Variants in RBM6 observed in about 807,000 individuals in gnomAD.
RBM6 encodes the protein RNA binding motif protein 6, also known as RNA-binding protein 6.
A neutral mutation model predicts 140.4 loss-of-function variants in RBM6; 23 were observed. The observed-to-expected ratio is 0.16, with a 90% CI of 0.12 to 0.23. The LOEUF (loss-of-function observed/expected upper bound fraction) is 0.23, where lower values mean the gene tolerates loss of function less well. Among genes scored for constraint, RBM6 ranks in the 10% least tolerant of loss-of-function variants. The probability of loss-of-function intolerance (pLI) is 1.00; values close to 1 mark genes in which losing one functional copy is unlikely to be tolerated. For synonymous variants in RBM6, 439 were observed against 475.6 expected, an observed-to-expected ratio of 0.92 and a Z score of 1.00; for missense variants, 1,139 against 1,386.7, an observed-to-expected ratio of 0.82 and a Z score of 2.84.
chr3:50,005,443 A>G (rs2086528506), intron 6 of RBM6, among the ~76,000 whole-genome samples: 1 of 150,850 alleles, frequency 6.6e-6, no homozygotes, highest in Admixed American at 6.7e-5. Flanking sequence ...AGCTACAGTG[A>G]GCCGTGATTG....
At chr3:50,020,614 G>T (rs1008596129) in intron 6 of RBM6, among the ~76,000 whole-genome samples, 1 of 152,132 alleles carries the variant, frequency 6.6e-6, no homozygotes, top group Non-Finnish European at 1.5e-5. Flanking sequence ...TAATGATGGG[G>T]ATAAATTCTG....
intron 2 of RBM6, among the ~76,000 whole-genome samples, chr3:49,965,805 G>C (rs1224488357): frequency 1.3e-5 from 2 of 152,032 alleles, no homozygotes; most frequent in East Asian, 3.9e-4. Context: ...CTAGTGTTTA[G>C]GTTAATGCTG....
intron 6 of RBM6, among the ~76,000 whole-genome samples, chr3:50,012,175 C>G (rs934159266): frequency 6.6e-6 from 1 of 151,904 alleles, no homozygotes; most frequent in Non-Finnish European, 1.5e-5. Flanking sequence ...TTACCTCAAT[C>G]GGATCCCCGT....
intron 6 of RBM6, among the ~76,000 whole-genome samples, chr3:50,045,224 T>A (rs1000806048): frequency 6.6e-6 from 1 of 152,206 alleles, no homozygotes; most frequent in Non-Finnish European, 1.5e-5. Context: ...AATACCTGAA[T>A]CCATTAATGC....
intron 2 of RBM6, chr3:49,962,927 C>G (rs190399757): frequency 2.3e-5 from 7 of 303,988 alleles, no homozygotes; most frequent in African/African-American, 1.6e-4. Context: ...GAAACCCCGT[C>G]TCTACTAAAA....
chr3:49,970,894 C>T (rs1342449853), intron 3 of RBM6, among the ~76,000 whole-genome samples: 2 of 151,964 alleles, frequency 1.3e-5, no homozygotes, highest in Non-Finnish European at 2.9e-5. Context: ...CTTTGGGAGG[C>T]AAAGGTGGGC....
rs1235640441 is a variant in RBM6 at position 50,066,272 on chromosome 3, T to G, written c.2713T>G (p.Leu905Val). 1.2e-6 allele frequency: 2 copies of G among 1,613,940 alleles called. No homozygotes were observed. Among genetic ancestry groups the G allele is most frequent in the Admixed American group, 3.3e-5 (2 of 59,988 alleles). ...AGTGGTAAACCCACTGATCGGCCTC[T>G]TGGGTGAATATGGAGGAGACAGTGA... Reference protein sequence around the residue: ...PKVVNPLIGLLGEYGGDSDYE... With the variant: ...PKVVNPLIGLVGEYGGDSDYE... The change falls in exon 17 of 21, where the codon TTG becomes GTG. Residue 905 changes from leucine to valine, a missense_variant. Leu to Val is a conservative substitution (Grantham distance 32, BLOSUM62 1). Transcript: ENST00000266022.
rs752449685 is a variant in RBM6 at position 49,967,784 on chromosome 3, T to G, written c.359T>G (p.Ile120Arg). Residue 120 changes from isoleucine to arginine, a missense_variant, in exon 3 of 21, where the codon ATA becomes AGA. Physicochemically the swap from Ile to Arg is moderately conservative, Grantham distance 97. Transcript: ENST00000266022. This position sits in a 1 kb window ranked among gnomAD's most constrained non-coding sequence, Gnocchi z 4.0. ...SSQLDFRGRD[I>R]HSGDFRDREG... is the part of the protein sequence containing the mutation. The stretch of plus-strand genomic sequence containing the variant: ...CAGTTGGACTTCAGGGGTAGGGACA[T>G]ACATTCTGGGGATTTTCGGGATAGA... The G allele has an allele frequency of 6.8e-6, 11 of 1,614,026 alleles. No homozygotes were observed. The highest frequency in any genetic ancestry group is 4.5e-5 in the East Asian group (2 of 44,876).
intron 6 of RBM6, chr3:50,047,037 G>A (rs532370915): frequency 7.4e-4 from 245 of 332,520 alleles, no homozygotes; most frequent in Non-Finnish European, 9.9e-4. Context: ...TTGAGAACAA[G>A]CCAGGGAATA....
chr3:50,016,766 A>G (rs1238242746), intron 6 of RBM6, among the ~76,000 whole-genome samples: 2 of 149,578 alleles, frequency 1.3e-5, no homozygotes, highest in Non-Finnish European at 3.0e-5. Context: ...AACTTCCTGC[A>G]CTCAAGCAGT....
At chr3:50,049,909 C>T (rs562823192) in intron 7 of RBM6, among the ~76,000 whole-genome samples, 3 of 151,034 alleles carry the variant, frequency 2.0e-5, no homozygotes, top group Non-Finnish European at 4.4e-5. Context: ...GCTGGTCTCA[C>T]AGTCCCTGGC....
At chr3:50,073,452 C>G (rs1166214588) in intron 19 of RBM6, among the ~76,000 whole-genome samples, 1 of 152,162 alleles carries the variant, frequency 6.6e-6, no homozygotes, top group Non-Finnish European at 1.5e-5. Context: ...CCCACTCCTG[C>G]AATAACAGCA....
At chr3:50,068,859 A>T in intron 18 of RBM6, 95 bp downstream of exon 18, 2 of 1,130,286 alleles carry the variant, frequency 1.8e-6, no homozygotes, top group East Asian at 2.4e-5. Context: ...TTATAAGAAG[A>T]TGGAGAACAA....
chr3:49,992,607 A>T (rs983608989), intron 5 of RBM6, among the ~76,000 whole-genome samples: 7 of 152,218 alleles, frequency 4.6e-5, no homozygotes, highest in Non-Finnish European at 1.0e-4. Flanking sequence ...ACGTAGCTTG[A>T]CTGCAATCAC....
At chr3:49,997,763 A>G (rs897325557) in intron 5 of RBM6, among the ~76,000 whole-genome samples, 55 of 152,340 alleles carry the variant, frequency 3.6e-4, no homozygotes, top group African/African-American at 1.3e-3. Context: ...AGAGCTGTTT[A>G]TAAAATGCAG....
intron 1 of RBM6, among the ~76,000 whole-genome samples, chr3:49,957,779 A>G (rs1330519528): frequency 6.6e-6 from 1 of 152,038 alleles, no homozygotes; most frequent in Non-Finnish European, 1.5e-5. Flanking sequence ...CAAAATTGCA[A>G]TAATGCTAGT....
chr3:49,945,176 ATTTTT>A (rs34249907), intron 1 of RBM6, among the ~76,000 whole-genome samples: 2 of 122,120 alleles, frequency 1.6e-5, no homozygotes, highest in African/African-American at 3.2e-5. Context: ...CGCCCGGCCA[ATTTTT>A]TTTTTTTTTT....
chr3:49,941,324 C>A (rs1408490723), intron 1 of RBM6, among the ~76,000 whole-genome samples: 1 of 152,040 alleles, frequency 6.6e-6, no homozygotes, highest in African/African-American at 2.4e-5. Flanking sequence ...CAGGACAGGT[C>A]CCAGGTCTCT....
rs767341001 is a variant in RBM6, at chr3:49,967,783, A to G, written c.358A>G (p.Ile120Val). The G allele has an allele frequency of 6.2e-7, 1 of 1,614,132 alleles. No individual in the cohort carries two copies. The highest frequency in any genetic ancestry group is 8.5e-7 in the Non-Finnish European group (1 of 1,180,038). The change falls in exon 3 of 21, where the codon ATA becomes GTA. Residue 120 changes from isoleucine (I) to valine (V), a missense_variant. Around this residue, in one of 9 missense-constraint regions of RBM6, gnomAD observed 566 missense variants for 612.7 expected, o/e 0.92. Coordinates refer to ENST00000266022, the MANE Select transcript of RBM6 (RefSeq NM_005777.3). This position sits in a 1 kb window ranked among gnomAD's most constrained non-coding sequence, Gnocchi z 4.0. ...ACAGTTGGACTTCAGGGGTAGGGACATACATTCTGGGGATTTTCGGGATAG... is the reference window on the plus strand; with the variant it reads ...ACAGTTGGACTTCAGGGGTAGGGACGTACATTCTGGGGATTTTCGGGATAG... ...SSQLDFRGRD[I>V]HSGDFRDREG...
Sources: gnomAD v4.1 joint callset for allele counts (sites outside exome capture counted in the v4.1 genomes callset) on GRCh38, gnomAD v4.1.1 for gene constraint, gnomAD v4.1.1 regional missense constraint, Gnocchi (gnomAD v3.1) non-coding constraint, MANE v1.5 for transcripts, NCBI Gene and HGNC (gene_info 2026-07-23, HGNC 2026-07-21) for gene names.